The following TRIM5 variants were observed in gnomAD, a reference collection of about 807,000 sequenced individuals.
The protein encoded by TRIM5 is tripartite motif containing 5, also known as tripartite motif-containing protein 5.
In TRIM5, 31 loss-of-function variants were observed where a neutral mutation model predicts 35.6. The observed-to-expected ratio is 0.87, with a 90% confidence interval of 0.65 to 1.18. The LOEUF (loss-of-function observed/expected upper bound fraction) is 1.18, where lower values mean the gene tolerates loss of function less well. Among genes scored for constraint, TRIM5 ranks in the 50% most tolerant of loss-of-function variants. The pLI, the probability that TRIM5 is intolerant of heterozygous loss-of-function variation, is 0.00. For missense variants in TRIM5, 609 were observed against 591.6 expected, an observed-to-expected ratio of 1.03 and a Z score of -0.31; for synonymous variants, 243 against 215.6, an observed-to-expected ratio of 1.13 and a Z score of -1.11.
the TRIM5 span, chr11:5,610,180 T>C: frequency 6.2e-7 from 1 of 1,614,106 alleles, no homozygotes. Flanking sequence ...CCAGAAGCTC[T>C]CCCTACAAAG....
the TRIM5 span, among the ~76,000 whole-genome samples, chr11:5,606,840 C>G: frequency 1.3e-5 from 2 of 152,200 alleles, no homozygotes; most frequent in Admixed American, 6.5e-5. Flanking sequence ...AATAAACTTT[C>G]TGGAATTTTC....
rs747704083 is a variant in TRIM5 at position 5,666,076 on chromosome 11, T to G, written c.773A>C (p.Glu258Ala). 2.5e-5 allele frequency: 39 copies of G among 1,573,176 alleles called. No homozygotes were observed. Among genetic ancestry groups the G allele is most frequent in the Non-Finnish European group, 3.2e-5 (37 of 1,154,238 alleles). ...TTCTGGCTTCTTCAAGGTCACGTTC[T>G]CCGTCCTAAGAATTAAAAAAAAAAA... The part of the protein sequence containing the change: ...QGVDGVIKRT[E>A]NVTLKKPETF... Residue 258 changes from glutamate to alanine, a missense_variant, in exon 6 of 8, where the codon GAG becomes GCG. By Grantham distance (107) the Glu-to-Ala change is moderately radical (BLOSUM62 -1). Coordinates refer to ENST00000380034, the MANE Select transcript of TRIM5 (RefSeq NM_033034.3).
chr11:5,617,005 G>A, the TRIM5 span, among the ~76,000 whole-genome samples: 3 of 139,226 alleles, frequency 2.2e-5, 1 homozygote, highest in African/African-American at 7.9e-5. Context: ...TCAAAGTGCT[G>A]GGATTACAGG....
At chr11:5,615,378 C>A in the TRIM5 span, among the ~76,000 whole-genome samples, 1 of 152,110 alleles carries the variant, frequency 6.6e-6, no homozygotes, top group Admixed American at 6.5e-5. Context: ...CCTATTTCTC[C>A]TGCAATTCTA....
the TRIM5 span, chr11:5,642,638 G>C: frequency 1.4e-6 from 2 of 1,386,528 alleles, no homozygotes; most frequent in Non-Finnish European, 1.9e-6. Flanking sequence ...ATATTCTGTG[G>C]TGAAGAGGAT....
At chr11:5,654,818 C>T in the TRIM5 span, among the ~76,000 whole-genome samples, 2 of 152,160 alleles carry the variant, frequency 1.3e-5, no homozygotes, top group South Asian at 2.1e-4. Context: ...AAAAGGATTA[C>T]CTAAATGTTA....
chr11:5,642,953 A>G, the TRIM5 span: 4 of 1,473,848 alleles, frequency 2.7e-6, no homozygotes, highest in African/African-American at 5.6e-5. Flanking sequence ...CACCTCCCAA[A>G]ACATTTGCTA....
chr11:5,681,792 C>T (rs1348167821), intron 1 of TRIM5, among the ~76,000 whole-genome samples: 2 of 152,160 alleles, frequency 1.3e-5, no homozygotes, highest in African/African-American at 4.8e-5. Flanking sequence ...GCTCTATCAG[C>T]TTTTAATATT....
chr11:5,600,546 C>T, the TRIM5 span, among the ~76,000 whole-genome samples: 1 of 152,146 alleles, frequency 6.6e-6, no homozygotes, highest in Admixed American at 6.5e-5. Flanking sequence ...TTTTCTTACC[C>T]TTATCTGAGA....
At chr11:5,589,107 C>A in the TRIM5 span, 1 of 151,990 alleles carries the variant, frequency 6.6e-6, no homozygotes, top group African/African-American at 2.4e-5. Context: ...TCATACCTAT[C>A]TCAGACAATT....
chr11:5,625,474 T>A, the TRIM5 span, among the ~76,000 whole-genome samples: 1 of 151,944 alleles, frequency 6.6e-6, no homozygotes, highest in African/African-American at 2.4e-5. Context: ...TGAAAGGAGG[T>A]CTCTGTTTTC....
At chr11:5,666,107 A>C (rs1393008732) in intron 5 of TRIM5, 26 bp from the exon 6 acceptor site, 7 of 1,502,244 alleles carry the variant, frequency 4.7e-6, no homozygotes, top group Non-Finnish European at 6.4e-6. Flanking sequence ...AAAAAAAAAA[A>C]CTTCCAAACC....
the TRIM5 span, among the ~76,000 whole-genome samples, chr11:5,650,689 G>A: frequency 2.6e-5 from 4 of 152,058 alleles, no homozygotes; most frequent in Non-Finnish European, 4.4e-5. Flanking sequence ...TTGTTGGAGC[G>A]CTACTGTGCA....
intron 1 of TRIM5, among the ~76,000 whole-genome samples, chr11:5,681,246 G>A (rs373053316): frequency 6.6e-5 from 10 of 152,104 alleles, no homozygotes; most frequent in Non-Finnish European, 1.3e-4. Flanking sequence ...ACGGAGGGTC[G>A]GCTGCTGCTT....
chr11:5,662,139 A>G (rs992090911), downstream of TRIM5, among the ~76,000 whole-genome samples: 7 of 152,228 alleles, frequency 4.6e-5, no homozygotes, highest in African/African-American at 1.7e-4. Context: ...GTGTGCACAC[A>G]CATAGTTACT....
chr11:5,633,767 C>T, the TRIM5 span: 1 of 1,593,766 alleles, frequency 6.3e-7, no homozygotes, highest in Non-Finnish European at 8.5e-7. Context: ...ACTAAGAAAG[C>T]TTATAGCTTG....
At chr11:5,677,763 A>G (rs1852106369) in intron 4 of TRIM5, among the ~76,000 whole-genome samples, 1 of 152,234 alleles carries the variant, frequency 6.6e-6, no homozygotes, top group Admixed American at 6.5e-5. Flanking sequence ...TATAAAGAAG[A>G]AATGATAGCA....
At chr11:5,677,989 C>T (rs115040739) in intron 4 of TRIM5, 44 of 444,078 alleles carry the variant, frequency 9.9e-5, no homozygotes, top group Admixed American at 2.3e-4. Flanking sequence ...ATCTCCACTA[C>T]GTCAAATTTT....
intron 1 of TRIM5, among the ~76,000 whole-genome samples, chr11:5,683,429 A>G (rs565664729): frequency 3.5e-4 from 53 of 152,268 alleles, no homozygotes; most frequent in African/African-American, 1.2e-3. Context: ...AAATGCACCA[A>G]TCAGCACCCT....
Sources: gnomAD v4.1 joint callset for allele counts (sites outside exome capture counted in the v4.1 genomes callset) on GRCh38, gnomAD v4.1.1 for gene constraint, MANE v1.5 for transcripts, NCBI Gene and HGNC (gene_info 2026-07-23, HGNC 2026-07-21) for gene names.